Variants in EPB41L3 observed in about 807,000 individuals in gnomAD.
EPB41L3 encodes erythrocyte membrane protein band 4.1 like 3.
EPB41L3 carries 57 observed loss-of-function variants against 127.1 expected under a neutral mutation model. That is an observed-to-expected ratio of 0.45 (90% CI 0.36 to 0.56). The LOEUF (loss-of-function observed/expected upper bound fraction) is 0.56. Ranked by LOEUF, EPB41L3 falls within the 20% of genes least tolerant of loss-of-function variation. EPB41L3 has a pLI of 0.00. For missense variants in EPB41L3, 1,273 were observed against 1,372.2 expected, an observed-to-expected ratio of 0.93 and a Z score of 1.14; for synonymous variants, 572 against 549.5, an observed-to-expected ratio of 1.04 and a Z score of -0.57.
At chr18:5,449,837 C>A (rs1017816421) in intron 3 of EPB41L3, among the ~76,000 whole-genome samples, 3 of 152,184 alleles carry the variant, frequency 2.0e-5, no homozygotes, top group African/African-American at 7.2e-5. Flanking sequence ...GCTACATATT[C>A]TGTTTCTTCC....
At chr18:5,538,283 G>A (rs1334723373) in intron 1 of EPB41L3, among the ~76,000 whole-genome samples, 1 of 152,076 alleles carries the variant, frequency 6.6e-6, no homozygotes, top group Non-Finnish European at 1.5e-5. Context: ...GGGTCACCAC[G>A]AGCACTAGAA....
intron 1 of EPB41L3, among the ~76,000 whole-genome samples, chr18:5,535,622 G>C (rs1383221643): frequency 6.6e-6 from 1 of 152,166 alleles, no homozygotes; most frequent in Non-Finnish European, 1.5e-5. Flanking sequence ...GCCAGCCTGA[G>C]ACCTCTAGAT....
At chr18:5,433,274 A>T (rs987645362) in intron 8 of EPB41L3, among the ~76,000 whole-genome samples, 195 bp downstream of exon 8, 1 of 152,218 alleles carries the variant, frequency 6.6e-6, no homozygotes. Flanking sequence ...TGAGACACAA[A>T]GAGCAAACCC....
intron 1 of EPB41L3, among the ~76,000 whole-genome samples, chr18:5,538,531 C>T (rs1271469436): frequency 2.0e-5 from 3 of 152,132 alleles, no homozygotes; most frequent in African/African-American, 7.2e-5. Context: ...CAAAGAAACT[C>T]GCTATTTGAG....
chr18:5,603,018 T>C (rs2094607173), intron 3 of EPB41L3, among the ~76,000 whole-genome samples: 1 of 152,198 alleles, frequency 6.6e-6, no homozygotes, highest in Non-Finnish European at 1.5e-5. Context: ...AGCAAAGTAA[T>C]GTTTAACTAC....
At chr18:5,607,542 A>T (rs2143947438) in intron 3 of EPB41L3, among the ~76,000 whole-genome samples, 1 of 152,326 alleles carries the variant, frequency 6.6e-6, no homozygotes, top group East Asian at 1.9e-4. Context: ...TCACAATTAG[A>T]TTTTGAAGCC....
chr18:5,489,992 G>T lies in EPB41L3; in HGVS notation c.-11-798C>A, dbSNP rs1253255243. Reference sequence around the variant, plus strand: ...TCTAAAATATGAACATCTTCCCAAAGATTGCAAGTCAAGATGTTTCAGGAT... The same window carrying T: ...TCTAAAATATGAACATCTTCCCAAATATTGCAAGTCAAGATGTTTCAGGAT... On this transcript the variant is annotated intron_variant, in intron 1 of 22. Transcript: ENST00000341928. Among the ~76,000 whole-genome samples the T allele has an allele frequency of 4.6e-5, 7 of 152,178 alleles. No individual in the cohort carries two copies. In the South Asian group the frequency reaches 6.2e-4, roughly 14 times the overall value.
rs547822629 is a variant in EPB41L3, at chr18:5,459,129, A to C, written c.382-13885T>G. On this transcript the variant is annotated intron_variant, in intron 3 of 22. Coordinates refer to ENST00000341928, the MANE Select transcript of EPB41L3 (RefSeq NM_012307.5). ...AAGATGCCCATCATCTCTAGTTCTGATATTTTAAAATACAGCTCTGAGTTC... is the reference window on the plus strand; with the variant it reads ...AAGATGCCCATCATCTCTAGTTCTGCTATTTTAAAATACAGCTCTGAGTTC... Among the ~76,000 whole-genome samples the C allele has an allele frequency of 8.7e-4, 132 of 152,240 alleles. 1 individual carries two copies. Among genetic ancestry groups the C allele is most frequent in the African/African-American group, 3.0e-3 (125 of 41,536 alleles).
intron 3 of EPB41L3, among the ~76,000 whole-genome samples, chr18:5,474,678 A>G (rs1335090158): frequency 6.6e-6 from 1 of 152,172 alleles, no homozygotes; most frequent in African/African-American, 2.4e-5. Context: ...TTCATCTGTT[A>G]TCATCGCCTT....
chr18:5,420,384 T>C (rs545658253), intron 11 of EPB41L3, among the ~76,000 whole-genome samples: 2 of 152,272 alleles, frequency 1.3e-5, no homozygotes, highest in East Asian at 3.9e-4. Flanking sequence ...TTGGTTTTCA[T>C]ATTATTATTA....
At chr18:5,535,527 G>T (rs1255978488) in intron 1 of EPB41L3, among the ~76,000 whole-genome samples, 2 of 152,144 alleles carry the variant, frequency 1.3e-5, no homozygotes, top group Non-Finnish European at 2.9e-5. Context: ...ATAATTCTCT[G>T]TAATGAAACT....
chr18:5,577,214 C>A (rs376986975), intron 3 of EPB41L3: 3 of 230,954 alleles, frequency 1.3e-5, no homozygotes, highest in Non-Finnish European at 2.6e-5. Flanking sequence ...CCACATTTCC[C>A]TAGTTGAATT....
chr18:5,435,384 G>A (rs1342422544), intron 6 of EPB41L3, among the ~76,000 whole-genome samples: 3 of 152,122 alleles, frequency 2.0e-5, no homozygotes, highest in African/African-American at 4.8e-5. Context: ...CGTCCTGCAC[G>A]CGCCATTCAT....
At chr18:5,494,977 T>C (rs748208772) in intron 1 of EPB41L3, among the ~76,000 whole-genome samples, 1 of 152,194 alleles carries the variant, frequency 6.6e-6, no homozygotes, top group Non-Finnish European at 1.5e-5. Context: ...GGCTTCTCCA[T>C]TGTTTCAGCT....
intron 22 of EPB41L3, chr18:5,393,705 T>C (rs931342877): frequency 4.5e-6 from 2 of 442,182 alleles, no homozygotes; most frequent in Non-Finnish European, 4.0e-6. Context: ...TTTTTTGCTA[T>C]CGTCCAAAAT....
At chr18:5,619,618 T>G (rs536877018) in intron 1 of EPB41L3, among the ~76,000 whole-genome samples, 1 of 152,352 alleles carries the variant, frequency 6.6e-6, no homozygotes, top group South Asian at 2.1e-4. Flanking sequence ...TGGACTTTTA[T>G]CTTTCTCTAG....
intron 1 of EPB41L3, among the ~76,000 whole-genome samples, chr18:5,528,674 C>T (rs1301371851): frequency 2.6e-5 from 4 of 151,778 alleles, no homozygotes; most frequent in South Asian, 4.2e-4. Context: ...CTCAGCCCAC[C>T]GCAGCCTAGG....
intron 16 of EPB41L3, among the ~76,000 whole-genome samples, chr18:5,401,430 G>T (rs1260109045): frequency 6.6e-6 from 1 of 151,994 alleles, no homozygotes; most frequent in African/African-American, 2.4e-5. Context: ...AAAACATTAA[G>T]AAATTTTTAA....
intron 1 of EPB41L3, among the ~76,000 whole-genome samples, chr18:5,528,246 G>A (rs1049922770): frequency 6.6e-6 from 1 of 152,136 alleles, no homozygotes; most frequent in African/African-American, 2.4e-5. Flanking sequence ...ATAGCTCACT[G>A]CAGCCTTGAC....
Sources: gnomAD v4.1 joint callset for allele counts (sites outside exome capture counted in the v4.1 genomes callset) on GRCh38, gnomAD v4.1.1 for gene constraint, MANE v1.5 for transcripts, NCBI Gene and HGNC (gene_info 2026-07-23, HGNC 2026-07-21) for gene names.